ALMS1: variants seen among roughly 807,000 people sequenced by gnomAD.
The protein encoded by ALMS1 is ALMS1 centrosome and basal body associated protein, also known as centrosome-associated protein ALMS1.
Under a neutral mutation model 352.2 loss-of-function variants are expected in ALMS1, and 271 were observed. The observed-to-expected ratio is 0.77, with a 90% CI of 0.70 to 0.85. The LOEUF (loss-of-function observed/expected upper bound fraction) is 0.85, where lower values mean the gene tolerates loss of function less well. Among genes scored for constraint, ALMS1 ranks in the 40% least tolerant of loss-of-function variants. The pLI, the probability that ALMS1 is intolerant of heterozygous loss-of-function variation, is 0.00. For missense variants in ALMS1, 5,445 were observed against 4,870.7 expected, an observed-to-expected ratio of 1.12 and a Z score of -3.51; for synonymous variants, 1,865 against 1,761.2, an observed-to-expected ratio of 1.06 and a Z score of -1.48.
chr2:73,608,180 TAGA>T (rs1453005728), intron 21 of ALMS1, among the ~76,000 whole-genome samples: 3 of 152,190 alleles, frequency 2.0e-5, no homozygotes, highest in African/African-American at 7.2e-5. Flanking sequence ...GAGCAGAAAG[TAGA>T]AGTTCAGCTC....
intron 9 of ALMS1, among the ~76,000 whole-genome samples, chr2:73,463,930 G>A (rs1377363724): frequency 2.6e-5 from 4 of 152,094 alleles, no homozygotes; most frequent in Non-Finnish European, 5.9e-5. Context: ...CCAATAACAG[G>A]ATCTGAAATT....
chr2:73,583,025 T>G (rs1051755773), intron 16 of ALMS1, among the ~76,000 whole-genome samples: 1 of 146,946 alleles, frequency 6.8e-6, no homozygotes, highest in Admixed American at 6.7e-5. Context: ...TTTCTTTACA[T>G]CCTTACCAAC....
At chr2:73,556,699 G>GA (rs1674551790) in intron 13 of ALMS1, among the ~76,000 whole-genome samples, 1 of 143,880 alleles carries the variant, frequency 7.0e-6, no homozygotes, top group South Asian at 2.2e-4. Flanking sequence ...TTTTTAGAAT[G>GA]TTTTTATTTT....
intron 11 of ALMS1, among the ~76,000 whole-genome samples, chr2:73,522,637 T>C (rs1673708926): frequency 6.6e-6 from 1 of 151,984 alleles, no homozygotes; most frequent in South Asian, 2.1e-4. Flanking sequence ...CCCAACTAAT[T>C]TTTGTATTTT....
rs1027248513 is a variant in ALMS1, at chr2:73,489,851, C to T, written c.7892C>T (p.Ala2631Val). 2.0e-5 allele frequency: 33 copies of T among 1,614,060 alleles called. No individual in the cohort carries two copies. The highest frequency in any genetic ancestry group is 2.7e-5 in the Non-Finnish European group (32 of 1,180,042). Residue 2631 changes from alanine to valine, a missense_variant, in exon 10 of 23, where the codon GCA becomes GTA. Ala to Val is a moderately conservative substitution (Grantham distance 64). Transcript: ENST00000613296. ...AGAGCCAAGCATGTCAACCTTTCTG[C>T]ATCCTTAGACCAGAACAACTCCCAT... ...SCRAKHVNLSASLDQNNSHFK... is the reference protein window; with the variant it reads ...SCRAKHVNLSVSLDQNNSHFK...
At position 73,385,903 on chromosome 2, in the gene ALMS1, TG is replaced by T; in HGVS notation, c.37del (p.Glu13ArgfsTer28). 1.4e-6 allele frequency: 1 copy of T among 700,560 alleles called. No individual in the cohort carries two copies. Among genetic ancestry groups the T allele is most frequent in the Non-Finnish European group, 2.5e-6 (1 of 401,610 alleles). 43.4% of individuals were successfully genotyped at this position (700,560 alleles called of 1,614,324 possible). On this transcript the variant is annotated frameshift_variant, in exon 1 of 23. Transcript: ENST00000613296. LOFTEE classifies it high-confidence loss of function. ...GAGGATCTGCCATGGCCGGGCGAGCTGGAGGAGGAGGAGGAGGAGGAGGAGG... is the reference window on the plus strand; with the variant it reads ...GAGGATCTGCCATGGCCGGGCGAGCTGAGGAGGAGGAGGAGGAGGAGGAGG... ...EPEDLPWPGE[L>X]EEEEEEEEEE...
At chr2:73,504,500 A>T (rs1673280447) in intron 10 of ALMS1, among the ~76,000 whole-genome samples, 1 of 152,186 alleles carries the variant, frequency 6.6e-6, no homozygotes, top group Non-Finnish European at 1.5e-5. Context: ...AGTTATATAG[A>T]TGGAATCCAA....
intron 7 of ALMS1, among the ~76,000 whole-genome samples, chr2:73,439,031 CT>C (rs1345234199): frequency 6.7e-6 from 1 of 148,576 alleles, no homozygotes; most frequent in Non-Finnish European, 1.5e-5. Context: ...TTTTTTTCTT[CT>C]TTTTTCTTCT....
intron 1 of ALMS1, among the ~76,000 whole-genome samples, chr2:73,401,534 A>G (rs1475942875): frequency 6.6e-6 from 1 of 152,120 alleles, no homozygotes; most frequent in Non-Finnish European, 1.5e-5. Flanking sequence ...GGGATTTTCC[A>G]GCTATTTTTC....
At chr2:73,510,762 C>G (rs999854227) in intron 10 of ALMS1, among the ~76,000 whole-genome samples, 1 of 152,208 alleles carries the variant, frequency 6.6e-6, no homozygotes, top group African/African-American at 2.4e-5. Context: ...ATCTGCTGCT[C>G]TATTCAGAGC....
At position 73,452,775 on chromosome 2, in the gene ALMS1, T is replaced by G. The variant is rs1671975292; in HGVS notation, c.6248T>G (p.Val2083Gly). ...KISAVPELTD[V>G]NTGKPVSLSS... ...TCAGCTGTCCCTGAACTAACTGATG[T>G]GAATACTGGAAAACCAGTATCTCTC... Residue 2083 changes from valine (V) to glycine (G), a missense_variant, in exon 8 of 23, where the codon GTG (valine) becomes GGG (glycine). Physicochemically the swap from Val to Gly is moderately radical, Grantham distance 109 (BLOSUM62 -3). Transcript: ENST00000613296. 2 of 1,613,498 alleles carry G rather than the reference T, an allele frequency of 1.2e-6. No individual in the cohort carries two copies. Among genetic ancestry groups the G allele is most frequent in the East Asian group, 4.5e-5 (2 of 44,864 alleles).
intron 9 of ALMS1, among the ~76,000 whole-genome samples, chr2:73,466,790 A>G (rs1008470078): frequency 8.5e-5 from 13 of 152,110 alleles, no homozygotes; most frequent in South Asian, 2.1e-4. Flanking sequence ...TATATGAAAC[A>G]AAAATACTAG....
intron 6 of ALMS1, among the ~76,000 whole-genome samples, chr2:73,429,534 C>T (rs1224410865): frequency 6.6e-6 from 1 of 152,264 alleles, no homozygotes; most frequent in Admixed American, 6.5e-5. Context: ...CCACCTGCCT[C>T]AGCCTCCCAA....
rs768373356 is a variant in ALMS1, at chr2:73,451,283, C to G, written c.4756C>G (p.Pro1586Ala). 17 of 1,613,864 alleles carry G rather than the reference C, an allele frequency of 1.1e-5. No individual in the cohort carries two copies. Among genetic ancestry groups the G allele is most frequent in the Non-Finnish European group, 1.4e-5 (17 of 1,179,982 alleles). The change falls in exon 8 of 23, where the codon CCA (proline) becomes GCA (alanine). Residue 1586 changes from proline (P) to alanine (A), a missense_variant. Physicochemically the swap from Pro to Ala is conservative, Grantham distance 27. Coordinates refer to ENST00000613296, the MANE Select transcript of ALMS1 (RefSeq NM_001378454.1). ...KPIVNYKQAF[P>A]DGHLPEEALK... ...GATTGTTAACTACAAACAGGCCTTT[C>G]CAGATGGTCATCTACCTGAAGAGGC...
At chr2:73,468,685 GT>G (rs1323996841) in intron 9 of ALMS1, among the ~76,000 whole-genome samples, 3 of 151,862 alleles carry the variant, frequency 2.0e-5, no homozygotes, top group African/African-American at 7.3e-5. Context: ...GCCTCATGTG[GT>G]TCATCCATGT....
intron 11 of ALMS1, among the ~76,000 whole-genome samples, chr2:73,524,945 A>C (rs547531058): frequency 4.6e-5 from 7 of 152,262 alleles, no homozygotes; most frequent in African/African-American, 1.4e-4. Context: ...CCATGAATTC[A>C]GTTGTTTTAA....
chr2:73,597,031 TA>T (rs1030115169), intron 16 of ALMS1, among the ~76,000 whole-genome samples: 28 of 152,256 alleles, frequency 1.8e-4, no homozygotes, highest in African/African-American at 6.3e-4. Context: ...ATTGCCATCC[TA>T]ACAATTTTGA....
chr2:73,510,371 G>T (rs1053351235), intron 10 of ALMS1, among the ~76,000 whole-genome samples: 2 of 152,176 alleles, frequency 1.3e-5, no homozygotes, highest in African/African-American at 4.8e-5. Context: ...GGTCTTTGCT[G>T]TTGGTGAACT....
At chr2:73,466,322 A>G (rs1286811485) in intron 9 of ALMS1, among the ~76,000 whole-genome samples, 9 of 152,186 alleles carry the variant, frequency 5.9e-5, no homozygotes, top group Admixed American at 2.6e-4. Context: ...TGATGAGTTC[A>G]TGTCCTTTGT....
Sources: gnomAD v4.1 joint callset for allele counts (sites outside exome capture counted in the v4.1 genomes callset) on GRCh38, gnomAD v4.1.1 for gene constraint, MANE v1.5 for transcripts, NCBI Gene and HGNC (gene_info 2026-07-23, HGNC 2026-07-21) for gene names.